Variants in EYA1 observed in about 807,000 individuals in gnomAD.
EYA1 encodes the protein protein phosphatase EYA1.
EYA1 carries 16 observed loss-of-function variants against 82.0 expected under a neutral mutation model. That is an observed-to-expected ratio of 0.20 (90% CI 0.13 to 0.30). The LOEUF (loss-of-function observed/expected upper bound fraction) is 0.30. Ranked by LOEUF, EYA1 falls within the 10% of genes least tolerant of loss-of-function variation. EYA1 has a pLI of 1.00. For missense variants in EYA1, 633 were observed against 730.7 expected, an observed-to-expected ratio of 0.87 and a Z score of 1.54; for synonymous variants, 261 against 264.4, an observed-to-expected ratio of 0.99 and a Z score of 0.12.
chr8:71,327,316 C>A (rs951937409), intron 4 of EYA1, among the ~76,000 whole-genome samples: 1 of 152,186 alleles, frequency 6.6e-6, no homozygotes, highest in Admixed American at 6.5e-5. Flanking sequence ...AAAAGAGAAA[C>A]CATATTTGTT....
At chr8:71,491,718 G>A (rs927027529) in intron 2 of EYA1, among the ~76,000 whole-genome samples, 2 of 152,162 alleles carry the variant, frequency 1.3e-5, no homozygotes, top group African/African-American at 2.4e-5. Context: ...TATGGCAGCT[G>A]TAGCAAGTTA....
At chr8:71,452,580 G>T (rs912280733) in intron 2 of EYA1, among the ~76,000 whole-genome samples, 2 of 152,174 alleles carry the variant, frequency 1.3e-5, no homozygotes, top group African/African-American at 4.8e-5. Flanking sequence ...GCTTCCAGAG[G>T]AACGATCAGG....
At chr8:71,266,224 C>T (rs771881480) in intron 11 of EYA1, among the ~76,000 whole-genome samples, 1 of 152,204 alleles carries the variant, frequency 6.6e-6, no homozygotes, top group African/African-American at 2.4e-5. Context: ...CAGCCACATG[C>T]TCCCCTTGAC....
intron 15 of EYA1, 34 bp from the exon 16 acceptor site, chr8:71,215,542 AAAAT>A (rs1809076612): frequency 6.2e-7 from 1 of 1,612,944 alleles, no homozygotes; most frequent in Non-Finnish European, 8.5e-7. Flanking sequence ...AGACTGTTGA[AAAAT>A]AAATCTCCAA....
chr8:71,477,962 T>C (rs1395880033), intron 2 of EYA1, among the ~76,000 whole-genome samples: 1 of 151,976 alleles, frequency 6.6e-6, no homozygotes, highest in Non-Finnish European at 1.5e-5. Context: ...TTGGGTTAAG[T>C]CAAAGAAGCC....
At chr8:71,262,812 G>A (rs1815297227) in intron 11 of EYA1, among the ~76,000 whole-genome samples, 1 of 152,060 alleles carries the variant, frequency 6.6e-6, no homozygotes, top group South Asian at 2.1e-4. Flanking sequence ...CTGTTTGGCT[G>A]GCATTTGAAA....
rs60137382 is a variant in EYA1 at position 71,499,702 on chromosome 8, G to A, written c.33+36042C>T. On this transcript the variant is annotated intron_variant, in intron 2 of 18. Transcript: ENST00000643681. ...TGACTATAACAGATTTATGAATAGA[G>A]AATCTAACTCAATCTGGAATATAAA... Among the ~76,000 whole-genome samples the A allele has an allele frequency of 1.3e-3, 201 of 152,312 alleles. No homozygotes were observed. The East Asian group carries it at 0.024, about 18-fold the overall frequency.
chr8:71,343,707 T>C (rs1825405822), intron 3 of EYA1, among the ~76,000 whole-genome samples: 1 of 152,230 alleles, frequency 6.6e-6, no homozygotes, highest in Admixed American at 6.5e-5. Context: ...GTTTCAAGTA[T>C]TCTGTCATAA....
chr8:71,339,383 GC>G (rs1824862661), intron 3 of EYA1, among the ~76,000 whole-genome samples: 1 of 152,108 alleles, frequency 6.6e-6, no homozygotes, highest in Non-Finnish European at 1.5e-5. Flanking sequence ...CAGAACAGGT[GC>G]CATACATGCT....
intron 2 of EYA1, among the ~76,000 whole-genome samples, chr8:71,491,504 T>G (rs1810995165): frequency 6.6e-6 from 1 of 152,120 alleles, no homozygotes; most frequent in South Asian, 2.1e-4. Flanking sequence ...AAAAGGCAAT[T>G]AAGGTTAAAC....
chr8:71,399,344 C>G (rs1422632952), intron 2 of EYA1, among the ~76,000 whole-genome samples: 1 of 152,166 alleles, frequency 6.6e-6, no homozygotes, highest in Non-Finnish European at 1.5e-5. Context: ...CGGAAATCAC[C>G]CGTCTTCTGC....
intron 9 of EYA1, among the ~76,000 whole-genome samples, chr8:71,292,689 A>G (rs1819134076): frequency 6.6e-6 from 1 of 152,038 alleles, no homozygotes; most frequent in Non-Finnish European, 1.5e-5. Flanking sequence ...ACATCATTAA[A>G]AGGGAGGATT....
intron 9 of EYA1, among the ~76,000 whole-genome samples, chr8:71,287,243 T>C (rs1818488624): frequency 6.6e-6 from 1 of 152,188 alleles, no homozygotes; most frequent in South Asian, 2.1e-4. Flanking sequence ...TTGTAATAAT[T>C]TTGTTTTCAG....
chr8:71,274,193 C>T (rs1816865583), intron 9 of EYA1, among the ~76,000 whole-genome samples: 1 of 152,100 alleles, frequency 6.6e-6, no homozygotes, highest in African/African-American at 2.4e-5. Context: ...GATAGACAAC[C>T]TGACACCTTT....
At chr8:71,531,103 C>T (rs1453987280) in intron 2 of EYA1, 1 of 152,168 alleles carries the variant, frequency 6.6e-6, no homozygotes, top group African/African-American at 2.4e-5. Flanking sequence ...GTGATGGTCA[C>T]ATTTTTAAAA....
chr8:71,502,198 A>G (rs999703524), intron 2 of EYA1, among the ~76,000 whole-genome samples: 2 of 152,224 alleles, frequency 1.3e-5, no homozygotes, highest in Admixed American at 1.3e-4. Context: ...ATCCCATTTG[A>G]CTAGGTGATA....
In EYA1 at chr8:71,426,722, C is replaced by T. The variant is rs142680146; in HGVS notation, c.34-70211G>A. On this transcript the variant is annotated intron_variant, in intron 2 of 18. Transcript: ENST00000643681. ...TATAATATCAAAGATTGATGACTTA[C>T]AATTTTGCTTTATAAATTAGAAATA... 8.5e-5 allele frequency among the ~76,000 whole-genome samples: 13 copies of T among 152,322 alleles called. No homozygotes were observed. The East Asian group carries it at 2.5e-3, about 29-fold the overall frequency.
chr8:71,438,725 C>T (rs1482788270), intron 2 of EYA1, among the ~76,000 whole-genome samples: 3 of 152,090 alleles, frequency 2.0e-5, no homozygotes, highest in Non-Finnish European at 4.4e-5. Context: ...AACTATGACA[C>T]ATACAAGAAC....
chr8:71,289,452 T>C (rs758332616), intron 9 of EYA1, among the ~76,000 whole-genome samples: 2 of 152,236 alleles, frequency 1.3e-5, no homozygotes, highest in Admixed American at 6.5e-5. Flanking sequence ...TCATAATATA[T>C]GCTTTTGCTG....
Sources: allele counts gnomAD v4.1 joint callset (sites outside exome capture counted in the v4.1 genomes callset), GRCh38; gene constraint gnomAD v4.1.1; transcripts MANE v1.5; gene names NCBI Gene and HGNC (gene_info 2026-07-23, HGNC 2026-07-21).